NR3C1: variants seen among roughly 807,000 people sequenced by gnomAD.
NR3C1 encodes the protein glucocorticoid receptor.
NR3C1 carries 14 observed loss-of-function variants against 74.0 expected under a neutral mutation model. The observed-to-expected ratio is 0.19, with a 90% CI of 0.12 to 0.30. NR3C1 has a LOEUF of 0.30. Ranked by LOEUF, NR3C1 falls within the 10% of genes least tolerant of loss-of-function variation. The pLI is 1.00. For missense variants in NR3C1, 695 were observed against 909.8 expected, an observed-to-expected ratio of 0.76 and a Z score of 3.04; for synonymous variants, 308 against 332.5, an observed-to-expected ratio of 0.93 and a Z score of 0.80.
intron 2 of NR3C1, among the ~76,000 whole-genome samples, chr5:143,356,826 G>T (rs2151805077): frequency 6.6e-6 from 1 of 152,260 alleles, no homozygotes; most frequent in East Asian, 1.9e-4. Context: ...CCTTTTAAGA[G>T]CCCAAATGAG....
At chr5:143,351,093 T>C (rs1039965245) in intron 2 of NR3C1, among the ~76,000 whole-genome samples, 4 of 152,242 alleles carry the variant, frequency 2.6e-5, no homozygotes, top group African/African-American at 9.6e-5. Flanking sequence ...ATGCTTTTAC[T>C]ACTTCTTGCC....
intron 4 of NR3C1, among the ~76,000 whole-genome samples, chr5:143,307,198 A>G (rs1819826133): frequency 6.6e-6 from 1 of 152,180 alleles, no homozygotes; most frequent in South Asian, 2.1e-4. Context: ...GCCCAACCGT[A>G]TGCTTAAATT....
chr5:143,299,405 T>C (rs564085406), intron 5 of NR3C1, among the ~76,000 whole-genome samples: 189 of 149,476 alleles, frequency 1.3e-3, no homozygotes, highest in African/African-American at 4.5e-3. Context: ...ATGAACTAAA[T>C]AGTAAAATAG....
intron 1 of NR3C1, among the ~76,000 whole-genome samples, chr5:143,420,485 C>T (rs1157386555): frequency 1.3e-5 from 2 of 152,178 alleles, no homozygotes; most frequent in Non-Finnish European, 2.9e-5. Flanking sequence ...GTTTGGGGTC[C>T]CTGACTTCCC....
intron 7 of NR3C1, among the ~76,000 whole-genome samples, chr5:143,287,271 A>G (rs1165604801): frequency 1.3e-5 from 2 of 152,124 alleles, no homozygotes; most frequent in African/African-American, 4.8e-5. Flanking sequence ...AAAGACCAAC[A>G]AAATTGATAA....
intron 3 of NR3C1, 108 bp downstream of exon 3, chr5:143,313,894 C>T: frequency 8.3e-7 from 1 of 1,201,884 alleles, no homozygotes; most frequent in Non-Finnish European, 1.2e-6. Context: ...CCCCTCTTAA[C>T]TGATATTTAG....
At position 143,397,201 on chromosome 5, in the gene NR3C1, T is replaced by C. The variant is rs571805654; in HGVS notation, c.1184+2455A>G. 2.4e-4 allele frequency among the ~76,000 whole-genome samples: 36 copies of C among 151,938 alleles called. No homozygotes were observed. In the South Asian group the frequency reaches 6.2e-3, roughly 26 times the overall value. On this transcript the variant is annotated intron_variant, in intron 2 of 8. Transcript: ENST00000394464. ...TTTTTAAGTATTCTGATAAAAACAA[T>C]TTTAGGTGGCATTTTAAAAAGTCAA... is the stretch of plus-strand genomic sequence containing the variant.
chr5:143,385,987 A>G (rs550756406), intron 2 of NR3C1, among the ~76,000 whole-genome samples: 1 of 152,332 alleles, frequency 6.6e-6, no homozygotes, highest in African/African-American at 2.4e-5. Context: ...ACTTACAAAG[A>G]AAAGAGGTTC....
intron 2 of NR3C1, among the ~76,000 whole-genome samples, chr5:143,357,359 C>G (rs1831333042): frequency 6.6e-6 from 1 of 152,168 alleles, no homozygotes; most frequent in South Asian, 2.1e-4. Context: ...ACAAAAAACA[C>G]CACTTTGTCA....
chr5:143,352,154 C>A (rs760088119), intron 2 of NR3C1, among the ~76,000 whole-genome samples: 1 of 151,998 alleles, frequency 6.6e-6, no homozygotes, highest in Non-Finnish European at 1.5e-5. Context: ...ACACACAATG[C>A]GGTATGCTGA....
intron 2 of NR3C1, among the ~76,000 whole-genome samples, chr5:143,327,048 A>T (rs1447236483): frequency 6.6e-6 from 1 of 152,194 alleles, no homozygotes; most frequent in Non-Finnish European, 1.5e-5. Context: ...AATCTTCATT[A>T]CTATCCTGTA....
chr5:143,290,714 T>C (rs905634457), intron 7 of NR3C1, among the ~76,000 whole-genome samples: 5 of 152,018 alleles, frequency 3.3e-5, no homozygotes, highest in African/African-American at 1.2e-4. Flanking sequence ...ATAACAGGCA[T>C]GCACCACCAC....
chr5:143,354,374 G>T (rs1040705300), intron 2 of NR3C1, among the ~76,000 whole-genome samples: 1 of 152,142 alleles, frequency 6.6e-6, no homozygotes, highest in African/African-American at 2.4e-5. Flanking sequence ...GGCTTTTGAT[G>T]TGCCTTCCTC....
At chr5:143,359,693 A>T (rs1334188354) in intron 2 of NR3C1, among the ~76,000 whole-genome samples, 1 of 152,134 alleles carries the variant, frequency 6.6e-6, no homozygotes, top group Non-Finnish European at 1.5e-5. Flanking sequence ...TGAGACAGAC[A>T]GATCACCTGA....
At chr5:143,315,850 C>T (rs925037348) in intron 2 of NR3C1, among the ~76,000 whole-genome samples, 1 of 152,126 alleles carries the variant, frequency 6.6e-6, no homozygotes, top group African/African-American at 2.4e-5. Flanking sequence ...TCCAAACGAT[C>T]GCCCTAAATT....
At position 143,400,019 on chromosome 5, in the gene NR3C1, G is replaced by A; in HGVS notation, c.821C>T (p.Pro274Leu). Residue 274 changes from proline (P) to leucine (L), a missense_variant, in exon 2 of 9, where the codon CCC becomes CTC. Transcript: ENST00000394464. Reference protein sequence around the residue: ...VLSSPSNVTLPQVKTEKEDFI... With the variant: ...VLSSPSNVTLLQVKTEKEDFI... ...ATCTTCTTTTTCTGTTTTCACTTGG[G>A]GCAGTGTTACATTACTGGGGCTTGA... is the stretch of plus-strand genomic sequence containing the variant. 1 of 1,614,124 alleles carries A rather than the reference G, an allele frequency of 6.2e-7. No homozygotes were observed. Among genetic ancestry groups the A allele is most frequent in the Non-Finnish European group, 8.5e-7 (1 of 1,180,042 alleles).
At chr5:143,354,858 G>A (rs953804553) in intron 2 of NR3C1, among the ~76,000 whole-genome samples, 1 of 151,414 alleles carries the variant, frequency 6.6e-6, no homozygotes, top group African/African-American at 2.4e-5. Context: ...GGGAGGCAGA[G>A]GTTGCTGTGA....
chr5:143,401,648 C>T (rs1201700014), intron 1 of NR3C1, among the ~76,000 whole-genome samples: 2 of 152,126 alleles, frequency 1.3e-5, no homozygotes, highest in African/African-American at 4.8e-5. Context: ...ATAGCTGACC[C>T]TTATCATAAC....
Position 143,373,971 on chromosome 5 carries a change from G to C in NR3C1, c.1184+25685C>G, listed in dbSNP as rs118180463. ...TGGTATGACACAAAAAATGTGTTAA[G>C]ATAAGCTCCTAACTTCAGTTACTCT... On this transcript the variant is annotated intron_variant, in intron 2 of 8. Coordinates refer to ENST00000394464, the MANE Select transcript of NR3C1 (RefSeq NM_000176.3). Among the ~76,000 whole-genome samples the C allele has an allele frequency of 1.0e-3, 156 of 152,274 alleles. 3 individuals are homozygous for C. The East Asian group carries it at 0.022, about 22-fold the overall frequency.
Sources: gnomAD v4.1 joint callset for allele counts (sites outside exome capture counted in the v4.1 genomes callset) on GRCh38, gnomAD v4.1.1 for gene constraint, MANE v1.5 for transcripts, NCBI Gene and HGNC (gene_info 2026-07-23, HGNC 2026-07-21) for gene names.